The following PLOD2 variants were observed in gnomAD, a reference collection of about 807,000 sequenced individuals.
PLOD2 encodes procollagen-lysine,2-oxoglutarate 5-dioxygenase 2, also known as lysine hydroxylase 2.
Under a neutral mutation model 101.0 loss-of-function variants are expected in PLOD2, and 65 were observed. The ratio of observed to expected loss-of-function variants is 0.64; its 90% CI spans 0.53 to 0.79. The LOEUF (loss-of-function observed/expected upper bound fraction) is 0.79, where lower values mean the gene tolerates loss of function less well. Among genes scored for constraint, PLOD2 ranks in the 30% least tolerant of loss-of-function variants. The pLI is 0.00. For synonymous variants in PLOD2, 314 were observed against 302.9 expected (o/e 1.04, Z -0.38); for missense variants, 909 against 914.6 (o/e 0.99, Z 0.08).
At chr3:146,149,189 G>A (rs1462888241) in intron 1 of PLOD2, among the ~76,000 whole-genome samples, 1 of 152,096 alleles carries the variant, frequency 6.6e-6, no homozygotes, top group Non-Finnish European at 1.5e-5. Flanking sequence ...CTATTTCACT[G>A]ACCCTCTCAC....
At chr3:146,095,948 A>G (rs1386000950) in intron 7 of PLOD2, among the ~76,000 whole-genome samples, 4 of 123,390 alleles carry the variant, frequency 3.2e-5, no homozygotes, top group African/African-American at 1.2e-4. Context: ...CCAAAGCTGG[A>G]CGGTACTGCT....
chr3:146,070,922 CA>C (rs1936102728), intron 19 of PLOD2, 50 bp from the exon 20 acceptor site: 2 of 1,542,060 alleles, frequency 1.3e-6, no homozygotes, highest in African/African-American at 1.4e-5. Flanking sequence ...TAACCAGTGG[CA>C]AAATTCAAAT....
At chr3:146,139,248 A>G (rs1398735622) in intron 1 of PLOD2, among the ~76,000 whole-genome samples, 1 of 152,202 alleles carries the variant, frequency 6.6e-6, no homozygotes, top group East Asian at 1.9e-4. Flanking sequence ...ATTCCAAGTT[A>G]TTTCATAAGA....
At chr3:146,074,677 G>A (rs913032282) in intron 15 of PLOD2, among the ~76,000 whole-genome samples, 2 of 149,738 alleles carry the variant, frequency 1.3e-5, no homozygotes, top group East Asian at 3.9e-4. Context: ...CATTTTTCCT[G>A]TGCATCAATA....
intron 8 of PLOD2, among the ~76,000 whole-genome samples, chr3:146,091,548 G>A (rs981602871): frequency 4.6e-5 from 7 of 151,732 alleles, no homozygotes; most frequent in Admixed American, 3.9e-4. Flanking sequence ...GCACTCAATC[G>A]TAGTAAGCTA....
chr3:146,079,872 G>C (rs79995087), intron 12 of PLOD2, among the ~76,000 whole-genome samples: 2,344 of 152,044 alleles, frequency 0.015, 64 homozygotes, highest in African/African-American at 0.054. Context: ...CATTCATTAA[G>C]CCATCTTAAA....
intron 7 of PLOD2, among the ~76,000 whole-genome samples, chr3:146,093,816 T>C (rs1937058748): frequency 6.6e-6 from 1 of 152,204 alleles, no homozygotes; most frequent in African/African-American, 2.4e-5. Flanking sequence ...AAATGATCAC[T>C]AGTTTTAAAA....
chr3:146,100,045 C>T (rs868699958), intron 7 of PLOD2, among the ~76,000 whole-genome samples: 9 of 151,846 alleles, frequency 5.9e-5, no homozygotes, highest in Non-Finnish European at 1.0e-4. Flanking sequence ...CCAACCCCGG[C>T]TAATTTTGTA....
At position 146,077,943 on chromosome 3, in the gene PLOD2, T is replaced by A; in HGVS notation, c.1501-19A>T. 1.4e-6 allele frequency: 2 copies of A among 1,452,150 alleles called. No individual in the cohort carries two copies. Among genetic ancestry groups the A allele is most frequent in the Non-Finnish European group, 1.9e-6 (2 of 1,032,732 alleles). The allele number at this position is 1,452,150 out of a possible 1,614,324, so 90.0% of individuals were successfully genotyped here. A position where few individuals can be genotyped will look rare whatever the true frequency, so the allele number is the denominator to read the frequency against. ...GTAAAGTCTAAAATGAAGAGAAGCA[T>A]TGGGTAAGTTGACCTGTACACCCGC... On this transcript the variant is annotated intron_variant, in intron 13 of 19. Transcript: ENST00000282903.
In PLOD2 at chr3:146,087,423, T is replaced by A. The variant is rs34255485; in HGVS notation, c.1006-515A>T. ...AAATAAATGGTCATATATAAAAAAA[T>A]TTTACTTAACAAAAAAAGGAAAAAT... On this transcript the variant is annotated intron_variant, in intron 9 of 19. Transcript: ENST00000282903. Among the ~76,000 whole-genome samples, 1,162 of 151,858 alleles carry A rather than the reference T, an allele frequency of 7.7e-3. 53 individuals carry two copies. Among genetic ancestry groups the A allele is most frequent in the Admixed American group, 0.067 (1,020 of 15,228 alleles).
At chr3:146,125,484 T>C (rs1438030650) in intron 1 of PLOD2, among the ~76,000 whole-genome samples, 2 of 152,166 alleles carry the variant, frequency 1.3e-5, no homozygotes, top group African/African-American at 2.4e-5. Context: ...CGGTAGGTCA[T>C]GCCTGTAATC....
rs755011793 is a variant in PLOD2, at chr3:146,110,270, C to T, written c.502+15G>A. ...TATAACTTGCATTAAACTTTTCTTC[C>T]AGTATCTAACTCACCTCCTGAATTC... On this transcript the variant is annotated intron_variant, in intron 4 of 19. Transcript: ENST00000282903. 1 of 1,610,362 alleles carries T rather than the reference C, an allele frequency of 6.2e-7. No homozygotes were observed. The highest frequency in any genetic ancestry group is 1.7e-5 in the Admixed American group (1 of 59,982).
chr3:146,086,103 G>A (rs1214762939), intron 10 of PLOD2: 3 of 152,124 alleles, frequency 2.0e-5, no homozygotes, highest in Admixed American at 6.6e-5. Context: ...TCTATCCCTA[G>A]ACCCCTAATC....
chr3:146,131,711 T>C (rs939107378), intron 1 of PLOD2, among the ~76,000 whole-genome samples: 20 of 152,190 alleles, frequency 1.3e-4, no homozygotes, highest in African/African-American at 4.8e-4. Flanking sequence ...CAACTCGGGA[T>C]TCACAGTTAC....
Position 146,106,533 on chromosome 3 carries a change from C to G in PLOD2, c.614G>C (p.Arg205Thr), listed in dbSNP as rs1177688225. 5 of 1,407,254 alleles carry G rather than the reference C, an allele frequency of 3.6e-6. No homozygotes were observed. The highest frequency in any genetic ancestry group is 5.0e-6 in the Non-Finnish European group (5 of 991,208). 87.2% of individuals were successfully genotyped at this position (1,407,254 alleles called of 1,614,324 possible). Residue 205 changes from arginine to threonine, a missense_variant and splice_region_variant, in exon 5 of 20, where the codon AGG becomes ACG. Transcript: ENST00000282903. Reference sequence around the variant, plus strand: ...AAAAAAATTGCAGCTGTTACACACCCTTTTCAGTGGATCAATGTAAACTTT... The same window carrying G: ...AAAAAAATTGCAGCTGTTACACACCGTTTTCAGTGGATCAATGTAAACTTT... ...YTKVYIDPLK[R>T]EAINITLDHK... is the part of the protein sequence containing the mutation.
chr3:146,094,850 A>G (rs556245632), intron 7 of PLOD2, among the ~76,000 whole-genome samples: 1 of 152,322 alleles, frequency 6.6e-6, no homozygotes, highest in South Asian at 2.1e-4. Context: ...CCAAAACAGC[A>G]AGGTACTGGT....
Position 146,158,281 on chromosome 3 carries a change from T to A in PLOD2, c.109+2600A>T, listed in dbSNP as rs149403441. Among the ~76,000 whole-genome samples, 72 of 152,282 alleles carry A rather than the reference T, an allele frequency of 4.7e-4. 1 individual carries two copies. The East Asian group carries it at 0.011, about 24-fold the overall frequency. ...TAAGGATATAATTTTCAGGTAACAATTCCTATACGTTATTTTCAGAGAAAA... is the reference window on the plus strand; with the variant it reads ...TAAGGATATAATTTTCAGGTAACAAATCCTATACGTTATTTTCAGAGAAAA... On this transcript the variant is annotated intron_variant, in intron 1 of 19. Transcript: ENST00000282903.
chr3:146,154,063 C>T (rs1460166437), intron 1 of PLOD2, among the ~76,000 whole-genome samples: 1 of 152,128 alleles, frequency 6.6e-6, no homozygotes, highest in Non-Finnish European at 1.5e-5. Context: ...AATCAATAAA[C>T]TATCAGTGTA....
intron 3 of PLOD2, among the ~76,000 whole-genome samples, chr3:146,117,972 T>C (rs564148083): frequency 6.6e-6 from 1 of 152,116 alleles, no homozygotes; most frequent in African/African-American, 2.4e-5. Context: ...AGAGTGATGG[T>C]AGAGAAAAGT....
Sources: gnomAD v4.1 joint callset for allele counts (sites outside exome capture counted in the v4.1 genomes callset) on GRCh38, gnomAD v4.1.1 for gene constraint, MANE v1.5 for transcripts, NCBI Gene and HGNC (gene_info 2026-07-23, HGNC 2026-07-21) for gene names.